SLC4A10: variants seen among roughly 807,000 people sequenced by gnomAD.
The protein encoded by SLC4A10 is solute carrier family 4 member 10, also known as sodium-driven chloride bicarbonate exchanger.
SLC4A10 carries 42 observed loss-of-function variants against 137.7 expected under a neutral mutation model. That is an observed-to-expected ratio of 0.30 (90% CI 0.24 to 0.39). SLC4A10 has a LOEUF of 0.39. SLC4A10 is among the 10% of genes least tolerant of loss of function. SLC4A10 has a pLI of 1.00. For synonymous variants in SLC4A10, 474 were observed against 464.1 expected (o/e 1.02, Z -0.27); for missense variants, 925 against 1,355.0 (o/e 0.68, Z 4.98).
In SLC4A10 at chr2:161,862,940, A is replaced by G. The variant is rs780189691; in HGVS notation, c.644A>G (p.Glu215Gly). 33 of 1,613,552 alleles carry G rather than the reference A, an allele frequency of 2.0e-5. No homozygotes were observed. Among genetic ancestry groups the G allele is most frequent in the Non-Finnish European group, 2.6e-5 (31 of 1,179,752 alleles). ...GAAGATGTACGCCATAGGGTCCATG[A>G]GGCATTGATGAAACAGCATCATCAT... ...LNEDVRHRVHEALMKQHHHQN... is the reference protein window; with the variant it reads ...LNEDVRHRVHGALMKQHHHQN... The change falls in exon 6 of 27, where the codon GAG (glutamate) becomes GGG (glycine). Residue 215 changes from glutamate to glycine, a missense_variant. Around this residue, in one of 11 missense-constraint regions of SLC4A10, gnomAD observed 277 missense variants for 306.1 expected, o/e 0.90. Coordinates refer to ENST00000446997, the MANE Select transcript of SLC4A10 (RefSeq NM_001178015.2).
At chr2:161,823,204 A>G (rs548849178) in intron 3 of SLC4A10, among the ~76,000 whole-genome samples, 2 of 152,336 alleles carry the variant, frequency 1.3e-5, no homozygotes, top group South Asian at 2.1e-4. Flanking sequence ...ACAAACACTT[A>G]TAGATTGTGC....
At chr2:161,756,492 A>AT (rs1156235983) in intron 1 of SLC4A10, among the ~76,000 whole-genome samples, 1 of 152,176 alleles carries the variant, frequency 6.6e-6, no homozygotes, top group Non-Finnish European at 1.5e-5. Context: ...TTTCTTGCTC[A>AT]TACTACATTT....
intron 1 of SLC4A10, among the ~76,000 whole-genome samples, chr2:161,631,389 A>G (rs2033526196): frequency 6.6e-6 from 1 of 151,774 alleles, no homozygotes; most frequent in South Asian, 2.1e-4. Flanking sequence ...AAATGCTTAT[A>G]TCAGTTACAT....
At chr2:161,759,017 T>C (rs935753881) in intron 1 of SLC4A10, among the ~76,000 whole-genome samples, 1 of 152,008 alleles carries the variant, frequency 6.6e-6, no homozygotes, top group East Asian at 1.9e-4. Flanking sequence ...ACTCATTTTA[T>C]TTTATTTAGG....
At chr2:161,781,399 T>C (rs1017997342) in intron 2 of SLC4A10, among the ~76,000 whole-genome samples, 4 of 152,028 alleles carry the variant, frequency 2.6e-5, no homozygotes, top group African/African-American at 9.7e-5. Context: ...AATATTCAAC[T>C]TGTGTGTACA....
At chr2:161,803,483 G>A in intron 2 of SLC4A10, among the ~76,000 whole-genome samples, 1 of 152,060 alleles carries the variant, frequency 6.6e-6, no homozygotes. Flanking sequence ...AGGATGGTTT[G>A]ACTTCCCTAA....
At chr2:161,974,373 C>T in intron 24 of SLC4A10, 57 bp downstream of exon 24, 4 of 1,370,228 alleles carry the variant, frequency 2.9e-6, no homozygotes, top group Non-Finnish European at 4.0e-6. Context: ...TTGTTATATA[C>T]TTTAAGAATT....
At chr2:161,686,928 G>C (rs963524124) in intron 1 of SLC4A10, among the ~76,000 whole-genome samples, 7 of 151,238 alleles carry the variant, frequency 4.6e-5, no homozygotes, top group African/African-American at 1.7e-4. Flanking sequence ...TGTTGCCCAG[G>C]CTGGAGTGAA....
At chr2:161,755,956 A>T (rs1236369925) in intron 1 of SLC4A10, among the ~76,000 whole-genome samples, 1 of 151,992 alleles carries the variant, frequency 6.6e-6, no homozygotes, top group Non-Finnish European at 1.5e-5. Flanking sequence ...TCTTTAGTAA[A>T]GACGGGGTTT....
chr2:161,850,158 G>C, intron 4 of SLC4A10, among the ~76,000 whole-genome samples: 1 of 152,140 alleles, frequency 6.6e-6, no homozygotes, highest in Non-Finnish European at 1.5e-5. Context: ...GGGAGGTTGA[G>C]GTGGGTGGAT....
chr2:161,719,903 A>C (rs1051945216), intron 1 of SLC4A10, among the ~76,000 whole-genome samples: 8 of 152,158 alleles, frequency 5.3e-5, no homozygotes, highest in African/African-American at 1.4e-4. Context: ...GTTTAATTAG[A>C]TCCCATTTGT....
intron 15 of SLC4A10, among the ~76,000 whole-genome samples, chr2:161,937,923 C>A (rs548784837): frequency 6.6e-5 from 10 of 151,942 alleles, no homozygotes; most frequent in Non-Finnish European, 1.3e-4. Flanking sequence ...TTCTCCATAC[C>A]CCACCCAAAT....
chr2:161,674,050 G>A (rs1344712122), intron 1 of SLC4A10, among the ~76,000 whole-genome samples: 1 of 152,082 alleles, frequency 6.6e-6, no homozygotes, highest in Non-Finnish European at 1.5e-5. Context: ...TTTAAAAATA[G>A]GTAAGTTTTA....
chr2:161,869,333 G>T (rs754318583), intron 6 of SLC4A10, among the ~76,000 whole-genome samples: 1 of 151,434 alleles, frequency 6.6e-6, no homozygotes, highest in Non-Finnish European at 1.5e-5. Context: ...AATTAATTTT[G>T]AAATTTAATC....
At chr2:161,843,012 T>C (rs1461345177) in intron 4 of SLC4A10, among the ~76,000 whole-genome samples, 1 of 152,174 alleles carries the variant, frequency 6.6e-6, no homozygotes, top group African/African-American at 2.4e-5. Context: ...CTTTAACCTA[T>C]TGCTAAGAAG....
intron 11 of SLC4A10, among the ~76,000 whole-genome samples, chr2:161,896,445 T>G (rs558331985): frequency 6.6e-6 from 1 of 152,298 alleles, no homozygotes; most frequent in African/African-American, 2.4e-5. Flanking sequence ...TTTCCAATTC[T>G]GTGAAGAAAG....
intron 19 of SLC4A10, among the ~76,000 whole-genome samples, chr2:161,952,729 T>A (rs1695012500): frequency 6.6e-6 from 1 of 152,198 alleles, no homozygotes; most frequent in African/African-American, 2.4e-5. Flanking sequence ...AGCAAATTTC[T>A]TCCAGTGAAG....
intron 4 of SLC4A10, among the ~76,000 whole-genome samples, chr2:161,846,675 C>G (rs1231504106): frequency 6.6e-6 from 1 of 152,162 alleles, no homozygotes; most frequent in Non-Finnish European, 1.5e-5. Flanking sequence ...CACACAATAA[C>G]TTGAATGTAT....
chr2:161,915,287 T>C (rs1336263030), intron 15 of SLC4A10, among the ~76,000 whole-genome samples: 1 of 152,174 alleles, frequency 6.6e-6, no homozygotes, highest in African/African-American at 2.4e-5. Context: ...TAAGAGCTGC[T>C]TTCATTGCTC....
Sources: allele counts gnomAD v4.1 joint callset (sites outside exome capture counted in the v4.1 genomes callset), GRCh38; gene constraint gnomAD v4.1.1; regional missense constraint gnomAD v4.1.1; transcripts MANE v1.5; gene names NCBI Gene and HGNC (gene_info 2026-07-23, HGNC 2026-07-21).